WDR33: variants seen among roughly 807,000 people sequenced by gnomAD.
WDR33 encodes the protein WD repeat domain 33, also known as pre-mRNA 3' end processing protein WDR33.
WDR33 carries 47 observed loss-of-function variants against 164.9 expected under a neutral mutation model. The observed-to-expected ratio is 0.29, with a 90% CI of 0.23 to 0.36. WDR33 has a LOEUF of 0.36. WDR33 is among the 10% of genes least tolerant of loss of function. The pLI is 1.00. For missense variants in WDR33, 1,137 were observed against 1,754.1 expected (o/e 0.65, Z 6.28); for synonymous variants, 505 against 589.0 (o/e 0.86, Z 2.06).
Position 127,738,122 on chromosome 2 carries a change from T to C in WDR33, c.725-11345A>G. 1 of 1,430,350 alleles carries C rather than the reference T, an allele frequency of 7.0e-7. No individual in the cohort carries two copies. The highest frequency in any genetic ancestry group is 2.6e-5 in the East Asian group (1 of 38,530). 88.6% of individuals were successfully genotyped at this position (1,430,350 alleles called of 1,614,324 possible). A position where few individuals can be genotyped will look rare whatever the true frequency, so the allele number is the denominator to read the frequency against. On this transcript the variant is annotated intron_variant, in intron 7 of 21. Coordinates refer to ENST00000322313, the MANE Select transcript of WDR33 (RefSeq NM_018383.5). The surrounding 1 kb of genome is among the most constrained non-coding windows in gnomAD (Gnocchi z 4.4). ...AGGCAGGTATCTATCACATGAGCCC[T>C]GGCAGATTGTGTAATTTCCAGATAT...
In WDR33 at chr2:127,725,414, G is replaced by A. The variant is rs112425386; in HGVS notation, c.852-199C>T. On this transcript the variant is annotated intron_variant, in intron 8 of 21. Transcript: ENST00000322313. The stretch of plus-strand genomic sequence containing the variant: ...CGACAGAAATAATATGCACTGCCCA[G>A]ACAAAGACAGCTCTCATCAACCAGT... Among the ~76,000 whole-genome samples, 718 of 152,288 alleles carry A rather than the reference G, an allele frequency of 4.7e-3. 4 individuals are homozygous for A. Among genetic ancestry groups the A allele is most frequent in the Non-Finnish European group, 7.6e-3 (514 of 68,012 alleles).
intron 1 of WDR33, among the ~76,000 whole-genome samples, chr2:127,780,830 C>T (rs745820293): frequency 1.3e-5 from 2 of 152,126 alleles, no homozygotes; most frequent in Non-Finnish European, 2.9e-5. Context: ...GAATGAGACC[C>T]TATCTCAAAA....
At chr2:127,788,260 C>A in intron 1 of WDR33, among the ~76,000 whole-genome samples, 1 of 136,338 alleles carries the variant, frequency 7.3e-6, no homozygotes, top group Non-Finnish European at 1.6e-5. Flanking sequence ...CCCCCCCCAC[C>A]TCCCTCCCGG....
intron 7 of WDR33, among the ~76,000 whole-genome samples, chr2:127,729,135 C>G (rs1686641255): frequency 6.6e-6 from 1 of 152,206 alleles, no homozygotes; most frequent in Non-Finnish European, 1.5e-5. Context: ...CATCGCTGTT[C>G]TTAATAAAAC....
chr2:127,810,394 C>G (rs1234515580), intron 1 of WDR33, among the ~76,000 whole-genome samples: 2 of 152,228 alleles, frequency 1.3e-5, no homozygotes, highest in African/African-American at 4.8e-5. Flanking sequence ...CAAGTACAAA[C>G]ATTCATTGTC....
At chr2:127,742,870 A>C (rs1248844334) in intron 7 of WDR33, among the ~76,000 whole-genome samples, 1 of 151,004 alleles carries the variant, frequency 6.6e-6, no homozygotes, top group African/African-American at 2.5e-5. Context: ...TAAAAAAAAA[A>C]AAACAAAAAA....
At chr2:127,778,204 G>A (rs914005868) in intron 1 of WDR33, among the ~76,000 whole-genome samples, 1 of 152,058 alleles carries the variant, frequency 6.6e-6, no homozygotes, top group Admixed American at 6.6e-5. Context: ...GGGAGGCCGA[G>A]GTGGGTGGGA....
At position 127,723,726 on chromosome 2, in the gene WDR33, A is replaced by G. The variant is rs1686495201; in HGVS notation, c.1197-379T>C. On this transcript the variant is annotated intron_variant, in intron 11 of 21. Coordinates refer to ENST00000322313, the MANE Select transcript of WDR33 (RefSeq NM_018383.5). The surrounding 1 kb of genome is among the most constrained non-coding windows in gnomAD (Gnocchi z 5.9). ...CAGTGAGCTGTGATCTCACCACAGAACTCTAGTCTCGGTGACAGAGTGAGA... is the reference window on the plus strand; with the variant it reads ...CAGTGAGCTGTGATCTCACCACAGAGCTCTAGTCTCGGTGACAGAGTGAGA... Among the ~76,000 whole-genome samples the G allele has an allele frequency of 1.3e-5, 2 of 151,026 alleles. No homozygotes were observed. The highest frequency in any genetic ancestry group is 1.3e-4 in the Admixed American group (2 of 15,134).
chr2:127,792,081 A>G (rs190245256), intron 1 of WDR33, among the ~76,000 whole-genome samples: 3,221 of 151,752 alleles, frequency 0.021, 124 homozygotes, highest in African/African-American at 0.075. Flanking sequence ...TGGGATTATA[A>G]GCATGCACCA....
intron 1 of WDR33, among the ~76,000 whole-genome samples, chr2:127,801,635 G>A (rs1158729755): frequency 6.6e-6 from 1 of 151,938 alleles, no homozygotes; most frequent in Non-Finnish European, 1.5e-5. Context: ...CCTATCTCAG[G>A]ACTTTGTGGA....
intron 1 of WDR33, among the ~76,000 whole-genome samples, chr2:127,792,481 T>C (rs1433970674): frequency 6.6e-6 from 1 of 151,004 alleles, no homozygotes; most frequent in Non-Finnish European, 1.5e-5. Context: ...GCCAACATGG[T>C]GAAACCCCGT....
rs777758975 is a variant in WDR33, at chr2:127,714,049, A to T, written c.2870-28T>A. The T allele has an allele frequency of 1.3e-6, 2 of 1,496,690 alleles. No homozygotes were observed. The highest frequency in any genetic ancestry group is 2.8e-5 in the African/African-American group (2 of 71,414). The allele number at this position is 1,496,690 out of a possible 1,614,324, so 92.7% of individuals were successfully genotyped here. ...AAAGGAAACAAAGCTGACTTTTACC[A>T]TGTCTTCCAGGAAACCTGCCAACAT... On this transcript the variant is annotated intron_variant, in intron 17 of 21. Coordinates refer to ENST00000322313, the MANE Select transcript of WDR33 (RefSeq NM_018383.5). The surrounding 1 kb of genome is among the most constrained non-coding windows in gnomAD (Gnocchi z 4.3).
At chr2:127,794,789 ATG>A (rs1688967287) in intron 1 of WDR33, among the ~76,000 whole-genome samples, 1 of 144,336 alleles carries the variant, frequency 6.9e-6, no homozygotes, top group African/African-American at 2.6e-5. Context: ...AGCCGAGATC[ATG>A]CCACTGCACC....
rs1382153385 is a variant in WDR33, at chr2:127,716,537, G to T, written c.2869+618C>A. On this transcript the variant is annotated intron_variant, in intron 17 of 21. Coordinates refer to ENST00000322313, the MANE Select transcript of WDR33 (RefSeq NM_018383.5). This position sits in a 1 kb window ranked among gnomAD's most constrained non-coding sequence, Gnocchi z 4.5. ...CTCCTGCTCCAACTCTGCAAGACAGGGGGGTCCCACCCATCTCAGGGGCCA... is the reference window on the plus strand; with the variant it reads ...CTCCTGCTCCAACTCTGCAAGACAGTGGGGTCCCACCCATCTCAGGGGCCA... 6.6e-6 allele frequency among the ~76,000 whole-genome samples: 1 copy of T among 152,182 alleles called. No individual in the cohort carries two copies. Among genetic ancestry groups the T allele is most frequent in the Non-Finnish European group, 1.5e-5 (1 of 68,036 alleles).
Position 127,723,732 on chromosome 2 carries a change from G to C in WDR33, c.1197-385C>G, listed in dbSNP as rs576551426. 2.9e-4 allele frequency among the ~76,000 whole-genome samples: 44 copies of C among 151,952 alleles called. No homozygotes were observed. Among genetic ancestry groups the C allele is most frequent in the African/African-American group, 9.9e-4 (41 of 41,408 alleles). ...GCTGTGATCTCACCACAGAACTCTA[G>C]TCTCGGTGACAGAGTGAGACTCTGT... On this transcript the variant is annotated intron_variant, in intron 11 of 21. Transcript: ENST00000322313. The surrounding 1 kb of genome is among the most constrained non-coding windows in gnomAD (Gnocchi z 5.9).
rs747998902 is a variant in WDR33, at chr2:127,701,553, C to G, written c.*4770G>C. ...GATGGCGGACCTCCACCGCCAGCTG[C>G]AGGAGTACCTGGCGCAGGGGAAAGC... On this transcript the variant is annotated 3_prime_UTR_variant, in exon 22 of 22. Transcript: ENST00000322313. The G allele has an allele frequency of 4.2e-5, 57 of 1,364,286 alleles. 1 individual carries two copies. Among genetic ancestry groups the G allele is most frequent in the Non-Finnish European group, 2.6e-5 (27 of 1,057,424 alleles). 84.5% of individuals were successfully genotyped at this position (1,364,286 alleles called of 1,614,324 possible).
chr2:127,773,601 G>GA (rs1233391808), intron 1 of WDR33, among the ~76,000 whole-genome samples: 1 of 152,218 alleles, frequency 6.6e-6, no homozygotes, highest in African/African-American at 2.4e-5. Flanking sequence ...AGCTGTGTGT[G>GA]AATTAAACGG....
At chr2:127,715,476 A>T (rs979195377) in intron 17 of WDR33, among the ~76,000 whole-genome samples, 3 of 152,128 alleles carry the variant, frequency 2.0e-5, no homozygotes, top group Non-Finnish European at 4.4e-5. Context: ...TCAGGATAAA[A>T]ATGTGCCATA....
chr2:127,759,683 T>G (rs1224985437), intron 7 of WDR33, among the ~76,000 whole-genome samples: 2 of 151,850 alleles, frequency 1.3e-5, no homozygotes, highest in African/African-American at 4.8e-5. Context: ...AGAGGAAGAC[T>G]TGGTCTCAAA....
Sources: allele counts gnomAD v4.1 joint callset (sites outside exome capture counted in the v4.1 genomes callset), GRCh38; gene constraint gnomAD v4.1.1; non-coding constraint Gnocchi (gnomAD v3.1); transcripts MANE v1.5; gene names NCBI Gene and HGNC (gene_info 2026-07-23, HGNC 2026-07-21).